The following ANKS1A variants were observed in gnomAD, a reference collection of about 807,000 sequenced individuals.
ANKS1A encodes ankyrin repeat and SAM domain-containing protein 1A.
Under a neutral mutation model 120.3 loss-of-function variants are expected in ANKS1A, and 55 were observed. That is an observed-to-expected ratio of 0.46 (90% CI 0.37 to 0.57). The LOEUF (loss-of-function observed/expected upper bound fraction) is 0.57, where lower values mean the gene tolerates loss of function less well. Ranked by LOEUF, ANKS1A falls within the 20% of genes least tolerant of loss-of-function variation. ANKS1A has a pLI of 0.00. For missense variants in ANKS1A, 1,123 were observed against 1,480.3 expected, an observed-to-expected ratio of 0.76 and a Z score of 3.96; for synonymous variants, 590 against 604.7, an observed-to-expected ratio of 0.98 and a Z score of 0.36.
At chr6:35,076,209 G>A (rs929223905) in intron 13 of ANKS1A, among the ~76,000 whole-genome samples, 12 of 152,292 alleles carry the variant, frequency 7.9e-5, no homozygotes, top group Admixed American at 3.3e-4. Context: ...GGATCACGAG[G>A]TCAGGAGATC....
chr6:35,095,633 A>C (rs1334874173), downstream of ANKS1A, among the ~76,000 whole-genome samples: 3 of 149,274 alleles, frequency 2.0e-5, no homozygotes, highest in South Asian at 2.1e-4. Flanking sequence ...AACAAAAAAA[A>C]CAGTCACTTT....
At chr6:34,905,828 C>A (rs1476709439) in intron 1 of ANKS1A, among the ~76,000 whole-genome samples, 2 of 152,090 alleles carry the variant, frequency 1.3e-5, no homozygotes, top group Non-Finnish European at 2.9e-5. Context: ...TAAGTCTGTT[C>A]TTGTTGTAGG....
chr6:34,976,984 A>G (rs1771633133), intron 3 of ANKS1A, among the ~76,000 whole-genome samples: 2 of 152,206 alleles, frequency 1.3e-5, no homozygotes, highest in South Asian at 2.1e-4. Context: ...TATTGATACA[A>G]TACCATTATC....
At chr6:35,051,344 T>G (rs1010855891) in intron 11 of ANKS1A, among the ~76,000 whole-genome samples, 3 of 152,212 alleles carry the variant, frequency 2.0e-5, no homozygotes, top group African/African-American at 7.2e-5. Context: ...AAAAGGCCCT[T>G]CGGCAAAATT....
In ANKS1A at chr6:35,085,770, T is replaced by C; in HGVS notation, c.3137T>C (p.Leu1046Pro). Residue 1046 changes from leucine (L) to proline (P), a missense_variant, in exon 22 of 24, where the codon CTG becomes CCG. Physicochemically the swap from Leu to Pro is moderately conservative, Grantham distance 98. Transcript: ENST00000360359. The surrounding 1 kb of genome is among the most constrained non-coding windows in gnomAD (Gnocchi z 4.7). Reference protein sequence around the residue: ...CHVFSTVDVNLTYEIILTLGQ... With the variant: ...CHVFSTVDVNPTYEIILTLGQ... ...TGGTGATCTGCTTCCTCCCAGAACC[T>C]GACCTACGAGATCATCCTGACGCTG... 6.3e-7 allele frequency: 1 copy of C among 1,587,468 alleles called. No individual in the cohort carries two copies.
Position 35,060,110 on chromosome 6 carries a change from T to C in ANKS1A, c.2078-37T>C. ...CCGCTGCTACCGCCTTAATGGTTTT[T>C]CCCTTTTCAAGCGTCTGCCGATTCC... On this transcript the variant is annotated intron_variant, in intron 12 of 23. Coordinates refer to ENST00000360359, the MANE Select transcript of ANKS1A (RefSeq NM_015245.3). The surrounding 1 kb of genome is among the most constrained non-coding windows in gnomAD (Gnocchi z 4.5). 6.4e-7 allele frequency: 1 copy of C among 1,566,750 alleles called. No individual in the cohort carries two copies.
chr6:35,058,159 G>T lies in ANKS1A; in HGVS notation c.2078-1988G>T. The T allele has an allele frequency of 6.5e-6, 1 of 152,990 alleles. No individual in the cohort carries two copies. The allele number at this position is 152,990 out of a possible 1,614,324, so 9.5% of individuals were successfully genotyped here. On this transcript the variant is annotated intron_variant, in intron 12 of 23. Coordinates refer to ENST00000360359, the MANE Select transcript of ANKS1A (RefSeq NM_015245.3). The surrounding 1 kb of genome is among the most constrained non-coding windows in gnomAD (Gnocchi z 5.1). ...TATTTTCCTGAGCTTGGAAGGGGGA[G>T]GGTGAGGAGGGGAGGAAGGGGAGGG...
chr6:34,954,365 G>A lies in ANKS1A; in HGVS notation c.198-12874G>A, dbSNP rs1418782329. ...CCTATGGATTTGTGCGTGCGTGTGTGTGTGTGGTATTGTGTGTGTGCATTC... is the reference window on the plus strand; with the variant it reads ...CCTATGGATTTGTGCGTGCGTGTGTATGTGTGGTATTGTGTGTGTGCATTC... On this transcript the variant is annotated intron_variant, in intron 1 of 23. Coordinates refer to ENST00000360359, the MANE Select transcript of ANKS1A (RefSeq NM_015245.3). Among the ~76,000 whole-genome samples, 10 of 152,346 alleles carry A rather than the reference G, an allele frequency of 6.6e-5. No homozygotes were observed. The South Asian group carries it at 1.9e-3, about 28-fold the overall frequency.
intron 1 of ANKS1A, among the ~76,000 whole-genome samples, chr6:34,912,513 A>G (rs1305907108): frequency 6.6e-6 from 1 of 152,190 alleles, no homozygotes. Flanking sequence ...CCAGAGGTTC[A>G]ACAGCACACT....
chr6:35,068,678 G>A (rs1776917422), intron 13 of ANKS1A, among the ~76,000 whole-genome samples: 1 of 152,218 alleles, frequency 6.6e-6, no homozygotes, highest in Non-Finnish European at 1.5e-5. Context: ...AATGGGTGGT[G>A]AAGGGGAGAG....
chr6:34,910,171 A>T (rs981549322), intron 1 of ANKS1A, among the ~76,000 whole-genome samples: 1 of 152,210 alleles, frequency 6.6e-6, no homozygotes, highest in Non-Finnish European at 1.5e-5. Flanking sequence ...GAGTATGAAG[A>T]GGAAGCTAAA....
intron 16 of ANKS1A, 22 bp from the exon 17 acceptor site, chr6:35,080,972 A>T (rs762262498): frequency 6.2e-7 from 1 of 1,606,754 alleles, no homozygotes. Context: ...TGCAAGTTCC[A>T]CCTGGATTTT....
At chr6:35,041,319 G>T (rs1468557722) in intron 11 of ANKS1A, among the ~76,000 whole-genome samples, 1 of 152,196 alleles carries the variant, frequency 6.6e-6, no homozygotes, top group African/African-American at 2.4e-5. Flanking sequence ...AGACTGGTGG[G>T]CTGTGATCGC....
At chr6:34,984,989 G>A (rs938636386) in intron 7 of ANKS1A, 93 bp from the exon 8 acceptor site, 25 of 1,173,064 alleles carry the variant, frequency 2.1e-5, no homozygotes, top group African/African-American at 1.4e-4. Context: ...TTGTGAGCGC[G>A]GGTGACTAAA....
At chr6:35,052,901 G>A (rs1436258821) in intron 11 of ANKS1A, among the ~76,000 whole-genome samples, 2 of 152,144 alleles carry the variant, frequency 1.3e-5, no homozygotes, top group East Asian at 3.9e-4. Context: ...CTGCCTTGCT[G>A]AGCTCAGGGA....
intron 1 of ANKS1A, among the ~76,000 whole-genome samples, chr6:34,962,036 T>G (rs768741880): frequency 2.0e-4 from 30 of 152,230 alleles, no homozygotes; most frequent in Non-Finnish European, 2.4e-4. Context: ...TTTTCTCTTG[T>G]GTGGCAATTT....
At chr6:34,988,962 G>T (rs1488112833) in intron 8 of ANKS1A, among the ~76,000 whole-genome samples, 1 of 152,124 alleles carries the variant, frequency 6.6e-6, no homozygotes, top group Non-Finnish European at 1.5e-5. Context: ...CTCAGTACTG[G>T]CATTTCTCAC....
In ANKS1A at chr6:35,089,284, C is replaced by T; in HGVS notation, c.*675C>T. The T allele has an allele frequency of 1.0e-6, 1 of 987,480 alleles. No individual in the cohort carries two copies. The highest frequency in any genetic ancestry group is 1.7e-5 in the African/African-American group (1 of 57,334). The allele number at this position is 987,480 out of a possible 1,614,324, so 61.2% of individuals were successfully genotyped here. A position where few individuals can be genotyped will look rare whatever the true frequency, so the allele number is the denominator to read the frequency against. On this transcript the variant is annotated 3_prime_UTR_variant, in exon 24 of 24. Transcript: ENST00000360359. Reference sequence around the variant, plus strand: ...GGTTTCCGGTCCATTTCTGGGGTTCCCGATGGGAAGGTTCAGTGGCCAAAT... The same window carrying T: ...GGTTTCCGGTCCATTTCTGGGGTTCTCGATGGGAAGGTTCAGTGGCCAAAT...
chr6:34,991,182 T>C (rs939398651), intron 9 of ANKS1A, among the ~76,000 whole-genome samples: 3 of 152,194 alleles, frequency 2.0e-5, no homozygotes, highest in Non-Finnish European at 4.4e-5. Flanking sequence ...AGATGACTCA[T>C]AGAAGCCTTT....
Sources: gnomAD v4.1 joint callset for allele counts (sites outside exome capture counted in the v4.1 genomes callset) on GRCh38, gnomAD v4.1.1 for gene constraint, Gnocchi (gnomAD v3.1) non-coding constraint, MANE v1.5 for transcripts, NCBI Gene and HGNC (gene_info 2026-07-23, HGNC 2026-07-21) for gene names.